Variants in HAND2 observed in about 807,000 individuals in gnomAD.
HAND2 encodes heart- and neural crest derivatives-expressed protein 2.
HAND2 carries 2 observed loss-of-function variants against 14.7 expected under a neutral mutation model. That is an observed-to-expected ratio of 0.14 (90% CI 0.06 to 0.43). The LOEUF (loss-of-function observed/expected upper bound fraction) is 0.43. Among genes scored for constraint, HAND2 ranks in the 20% least tolerant of loss-of-function variants. The probability of loss-of-function intolerance (pLI) is 0.99; values close to 1 mark genes in which losing one functional copy is unlikely to be tolerated. For missense variants in HAND2, 275 were observed against 313.6 expected, an observed-to-expected ratio of 0.88 and a Z score of 0.93; for synonymous variants, 162 against 135.9, an observed-to-expected ratio of 1.19 and a Z score of -1.34.
chr4:173,526,893 G>A lies in HAND2; in HGVS notation c.*384C>T, dbSNP rs1731467668. 1 of 475,636 alleles carries A rather than the reference G, an allele frequency of 2.1e-6. No homozygotes were observed. Among genetic ancestry groups the A allele is most frequent in the Admixed American group, 2.3e-5 (1 of 42,602 alleles). 29.5% of individuals were successfully genotyped at this position (475,636 alleles called of 1,614,324 possible). A position where few individuals can be genotyped will look rare whatever the true frequency, so the allele number is the denominator to read the frequency against. On this transcript the variant is annotated 3_prime_UTR_variant, in exon 2 of 2. Coordinates refer to ENST00000359562, the MANE Select transcript of HAND2 (RefSeq NM_021973.3). ...AAAGATACACTTCACAAACGCACTA[G>A]TGCCCACTGTCTTTATCTGGAAGGG...
intron 1 of HAND2, 155 bp from the exon 2 acceptor site, chr4:173,527,530 T>A: frequency 1.4e-6 from 1 of 700,786 alleles, no homozygotes; most frequent in Non-Finnish European, 2.6e-6. Context: ...GCAGAGAAGC[T>A]ACCAAGGTTA....
intron 1 of HAND2, chr4:173,527,737 C>G (rs551790829): frequency 6.6e-5 from 16 of 244,168 alleles, no homozygotes; most frequent in Admixed American, 1.0e-4. Context: ...CCTAGATCCA[C>G]ATCTAGGAAA....
rs759026741 is a variant in HAND2, at chr4:173,527,220, A to T, written c.*57T>A. 5.1e-6 allele frequency: 6 copies of T among 1,177,990 alleles called. No individual in the cohort carries two copies. The South Asian group carries it at 7.3e-5, about 14-fold the overall frequency. 73.0% of individuals were successfully genotyped at this position (1,177,990 alleles called of 1,614,324 possible). On this transcript the variant is annotated 3_prime_UTR_variant, in exon 2 of 2. Coordinates refer to ENST00000359562, the MANE Select transcript of HAND2 (RefSeq NM_021973.3). ...GGCTTTTCCGGAGTCCTGGGTCTGCATCTGGCGCCTTGGCCCCTGCTCACT... is the reference window on the plus strand; with the variant it reads ...GGCTTTTCCGGAGTCCTGGGTCTGCTTCTGGCGCCTTGGCCCCTGCTCACT...
rs1731598409 is a variant in HAND2, at chr4:173,528,981, G to T, written c.309C>A (p.Thr103=). The T allele has an allele frequency of 6.2e-7, 1 of 1,612,688 alleles. No homozygotes were observed. The highest frequency in any genetic ancestry group is 8.5e-7 in the Non-Finnish European group (1 of 1,179,398). Residue 103 remains threonine, a synonymous_variant, in exon 1 of 2, where the codon ACC becomes ACA. Transcript: ENST00000359562. The surrounding 1 kb of genome is among the most constrained non-coding windows in gnomAD (Gnocchi z 5.6). ...TCCTGCGCCGCTCCTTGCGGTTGGCGGTGCCTCGGCGCTTCACCGGGCGCG... is the reference window on the plus strand; with the variant it reads ...TCCTGCGCCGCTCCTTGCGGTTGGCTGTGCCTCGGCGCTTCACCGGGCGCG... The part of the protein sequence containing the change: ...GGPRPVKRRG[T]ANRKERRRTQ...
At position 173,529,375 on chromosome 4, in the gene HAND2, G is replaced by C; in HGVS notation, c.-86C>G. 2.9e-6 allele frequency: 3 copies of C among 1,051,552 alleles called. No individual in the cohort carries two copies. Among genetic ancestry groups the C allele is most frequent in the East Asian group, 7.1e-5 (2 of 28,114 alleles). The allele number at this position is 1,051,552 out of a possible 1,614,324, so 65.1% of individuals were successfully genotyped here. ...CCGGGCCCCTGCCTCAGCGCTCGGC[G>C]TCCTCCCCCACCCCCCACCCCCCAG... is the stretch of plus-strand genomic sequence containing the variant. On this transcript the variant is annotated 5_prime_UTR_variant, in exon 1 of 2. Coordinates refer to ENST00000359562, the MANE Select transcript of HAND2 (RefSeq NM_021973.3).
intron 1 of HAND2, 181 bp from the exon 2 acceptor site, chr4:173,527,556 G>T: frequency 1.6e-6 from 1 of 635,842 alleles, no homozygotes; most frequent in South Asian, 1.8e-5. Flanking sequence ...ACCCTAGCCG[G>T]CGGGGAGGCC....
Position 173,528,822 on chromosome 4 carries a change from G to A in HAND2, c.468C>T (p.Ala156=). The part of the protein sequence containing the change: ...SYIAYLMDLL[A]KDDQNGEAEA... ...CCGCCTCGCCATTCTGGTCGTCCTTGGCCAGCAGGTCCATGAGGTAGGCGA... is the reference window on the plus strand; with the variant it reads ...CCGCCTCGCCATTCTGGTCGTCCTTAGCCAGCAGGTCCATGAGGTAGGCGA... Residue 156 remains alanine (A), a synonymous_variant, in exon 1 of 2, where the codon GCC becomes GCT. Coordinates refer to ENST00000359562, the MANE Select transcript of HAND2 (RefSeq NM_021973.3). This position sits in a 1 kb window ranked among gnomAD's most constrained non-coding sequence, Gnocchi z 5.6. 2 of 1,614,202 alleles carry A rather than the reference G, an allele frequency of 1.2e-6. No individual in the cohort carries two copies. The highest frequency in any genetic ancestry group is 1.7e-6 in the Non-Finnish European group (2 of 1,180,034).
At position 173,529,137 on chromosome 4, in the gene HAND2, G is replaced by C. The variant is rs59621536; in HGVS notation, c.153C>G (p.Pro51=). Residue 51 remains proline, a synonymous_variant, in exon 1 of 2, where the codon CCC becomes CCG. Coordinates refer to ENST00000359562, the MANE Select transcript of HAND2 (RefSeq NM_021973.3). ...PYFHGWLIGH[P]EMSPPDYSMA... ...TGCTGTAGTCGGGGGGCGACATCTCGGGGTGGCCGATGAGCCAGCCATGGA... is the reference window on the plus strand; with the variant it reads ...TGCTGTAGTCGGGGGGCGACATCTCCGGGTGGCCGATGAGCCAGCCATGGA... 35,263 of 1,479,684 alleles carry C rather than the reference G, an allele frequency of 0.024. 2,432 individuals are homozygous for C. The highest frequency in any genetic ancestry group is 0.19 in the African/African-American group (12,792 of 67,312). 91.7% of individuals were successfully genotyped at this position (1,479,684 alleles called of 1,614,324 possible).
intron 1 of HAND2, chr4:173,527,580 G>T (rs543159455): frequency 5.5e-5 from 33 of 599,282 alleles, no homozygotes; most frequent in African/African-American, 4.8e-4. Context: ...GCGCTGCAGC[G>T]CTCAACAACC....
At chr4:173,527,506 G>T in intron 1 of HAND2, 131 bp from the exon 2 acceptor site, 2 of 754,516 alleles carry the variant, frequency 2.7e-6, no homozygotes, top group South Asian at 1.4e-5. Flanking sequence ...TACGATGGGG[G>T]AGTCCCAGCC....
rs543928823 is a variant in HAND2 at position 173,526,957 on chromosome 4, C to T, written c.*320G>A. 1.8e-6 allele frequency: 1 copy of T among 557,316 alleles called. No individual in the cohort carries two copies. The highest frequency in any genetic ancestry group is 3.4e-6 in the Non-Finnish European group (1 of 292,510). 34.5% of individuals were successfully genotyped at this position (557,316 alleles called of 1,614,324 possible). A position where few individuals can be genotyped will look rare whatever the true frequency, so the allele number is the denominator to read the frequency against. On this transcript the variant is annotated 3_prime_UTR_variant, in exon 2 of 2. Transcript: ENST00000359562. ...GCGGGGGGCAACGCTGGTGTCTACA[C>T]AGCCAAGAGGGAACATTCACGCACA...
chr4:173,527,234 C>T lies in HAND2; in HGVS notation c.*43G>A, dbSNP rs186309406. 6 of 1,363,750 alleles carry T rather than the reference C, an allele frequency of 4.4e-6. No individual in the cohort carries two copies. In the South Asian group the frequency reaches 4.6e-5, roughly 11 times the overall value. 84.5% of individuals were successfully genotyped at this position (1,363,750 alleles called of 1,614,324 possible). A position where few individuals can be genotyped will look rare whatever the true frequency, so the allele number is the denominator to read the frequency against. On this transcript the variant is annotated 3_prime_UTR_variant, in exon 2 of 2. Coordinates refer to ENST00000359562, the MANE Select transcript of HAND2 (RefSeq NM_021973.3). ...CCTGGGTCTGCATCTGGCGCCTTGG[C>T]CCCTGCTCACTCGCGCTCTCCTCCT...
rs781086066 is a variant in HAND2 at position 173,529,206 on chromosome 4, G to T, written c.84C>A (p.Ala28=). 9 of 1,424,698 alleles carry T rather than the reference G, an allele frequency of 6.3e-6. No individual in the cohort carries two copies. The highest frequency in any genetic ancestry group is 3.3e-5 in the Admixed American group (1 of 30,266). 88.3% of individuals were successfully genotyped at this position (1,424,698 alleles called of 1,614,324 possible). Reference sequence around the variant, plus strand: ...GGCTGCAGCGGCTGGCGGCGGCGGCGGCAGCTGCGGCGGCGGCGGCGGCAA... The same window carrying T: ...GGCTGCAGCGGCTGGCGGCGGCGGCTGCAGCTGCGGCGGCGGCGGCGGCAA... ...YPFAAAAAAA[A]AAAASRCSHE... Residue 28 remains alanine, a synonymous_variant, in exon 1 of 2, where the codon GCC becomes GCA. Transcript: ENST00000359562.
chr4:173,526,999 A>C lies in HAND2; in HGVS notation c.*278T>G. ...TCACGCACACAGAATCTATGAGACG[A>C]CGGGATCCCTTACCACACGGGAGTG... On this transcript the variant is annotated 3_prime_UTR_variant, in exon 2 of 2. Coordinates refer to ENST00000359562, the MANE Select transcript of HAND2 (RefSeq NM_021973.3). 1 of 615,648 alleles carries C rather than the reference A, an allele frequency of 1.6e-6. No homozygotes were observed. Among genetic ancestry groups the C allele is most frequent in the Non-Finnish European group, 3.0e-6 (1 of 329,446 alleles). The allele number at this position is 615,648 out of a possible 1,614,324, so 38.1% of individuals were successfully genotyped here.
rs770141985 is a variant in HAND2, at chr4:173,527,266, T to TCTC, written c.*8_*10dup. On this transcript the variant is annotated 3_prime_UTR_variant, in exon 2 of 2. Coordinates refer to ENST00000359562, the MANE Select transcript of HAND2 (RefSeq NM_021973.3). ...TCACTCGCGCTCTCCTCCTCCTCCTTCTCCTCCTCCTCACTGCTTGAGCTC... is the reference window on the plus strand; with the variant it reads ...TCACTCGCGCTCTCCTCCTCCTCCTTCTCCTCCTCCTCCTCACTGCTTGAGCTC... 2.5e-6 allele frequency: 4 copies of TCTC among 1,594,678 alleles called. No homozygotes were observed. In the African/African-American group the frequency reaches 4.0e-5, roughly 16 times the overall value.
Position 173,527,322 on chromosome 4 carries a change from C to T in HAND2, c.609G>A (p.Arg203=). Residue 203 remains arginine, a synonymous_variant, in exon 2 of 2, where the codon CGG becomes CGA. Coordinates refer to ENST00000359562, the MANE Select transcript of HAND2 (RefSeq NM_021973.3). Reference sequence around the variant, plus strand: ...CCCAGACGTGCTGCGGCCAGCCCGTCCGGCCTTTGGTTTTCTTGTCGTTGC... The same window carrying T: ...CCCAGACGTGCTGCGGCCAGCCCGTTCGGCCTTTGGTTTTCTTGTCGTTGC... ...VSSNDKKTKG[R]TGWPQHVWAL... 1 of 1,613,810 alleles carries T rather than the reference C, an allele frequency of 6.2e-7. No homozygotes were observed. Among genetic ancestry groups the T allele is most frequent in the Non-Finnish European group, 8.5e-7 (1 of 1,179,946 alleles).
chr4:173,528,619 A>C lies in HAND2; in HGVS notation c.555+116T>G, dbSNP rs1731583154. 7.7e-7 allele frequency: 1 copy of C among 1,296,420 alleles called. No homozygotes were observed. Among genetic ancestry groups the C allele is most frequent in the Non-Finnish European group, 1.1e-6 (1 of 929,280 alleles). The allele number at this position is 1,296,420 out of a possible 1,614,324, so 80.3% of individuals were successfully genotyped here. On this transcript the variant is annotated intron_variant, in intron 1 of 1. Transcript: ENST00000359562. The surrounding 1 kb of genome is among the most constrained non-coding windows in gnomAD (Gnocchi z 5.6). ...CACAACCTGGTGCAAACAACCTTGA[A>C]GCGGGACGCAGCCAAAGAACACGAG...
intron 1 of HAND2, chr4:173,527,644 G>T (rs1288319740): frequency 1.0e-5 from 5 of 484,546 alleles, no homozygotes; most frequent in Admixed American, 6.8e-5. Context: ...ATGGAGGAGC[G>T]GGGGGCCTTT....
intron 1 of HAND2, chr4:173,527,592 G>C (rs1731499560): frequency 1.7e-6 from 1 of 584,410 alleles, no homozygotes; most frequent in East Asian, 2.9e-5. Flanking sequence ...TCAACAACCG[G>C]ATCCACAAGT....
Sources: allele counts gnomAD v4.1 joint callset, GRCh38; gene constraint gnomAD v4.1.1; non-coding constraint Gnocchi (gnomAD v3.1); transcripts MANE v1.5; gene names NCBI Gene and HGNC (gene_info 2026-07-23, HGNC 2026-07-21).